The following PCMT1 variants were observed in gnomAD, a reference collection of about 807,000 sequenced individuals.
The protein encoded by PCMT1 is protein-L-isoaspartate(D-aspartate) O-methyltransferase.
In PCMT1, 9 loss-of-function variants were observed where a neutral mutation model predicts 29.2. The ratio of observed to expected loss-of-function variants is 0.31; its 90% CI spans 0.19 to 0.54. The LOEUF is 0.54. Ranked by LOEUF, PCMT1 falls within the 20% of genes least tolerant of loss-of-function variation. The pLI, the probability that PCMT1 is intolerant of heterozygous loss-of-function variation, is 0.95. For synonymous variants in PCMT1, 98 were observed against 97.5 expected (o/e 1.00, Z -0.03); for missense variants, 184 against 282.2 (o/e 0.65, Z 2.49).
intron 1 of PCMT1, among the ~76,000 whole-genome samples, chr6:149,766,937 G>A (rs1787109222): frequency 6.6e-6 from 1 of 152,104 alleles, no homozygotes; most frequent in African/African-American, 2.4e-5. Flanking sequence ...CAAGCTGAGT[G>A]TGGTGGCTCA....
chr6:149,786,823 T>C (rs1423107456), intron 3 of PCMT1, among the ~76,000 whole-genome samples: 1 of 125,352 alleles, frequency 8.0e-6, no homozygotes, highest in African/African-American at 3.2e-5. Context: ...CGCTCCTCAC[T>C]TCCTAGATGG....
At chr6:149,751,261 G>A (rs1786302710) in intron 1 of PCMT1, among the ~76,000 whole-genome samples, 2 of 152,090 alleles carry the variant, frequency 1.3e-5, no homozygotes, top group South Asian at 4.1e-4. Context: ...AGGTTGCAGT[G>A]AGCCAAGATC....
At chr6:149,795,484 T>C in intron 5 of PCMT1, 1 of 404,794 alleles carries the variant, frequency 2.5e-6, no homozygotes, top group Non-Finnish European at 4.7e-6. Context: ...CTATATTTGT[T>C]GTAGACCCAT....
chr6:149,782,086 A>G (rs1235267058), intron 3 of PCMT1, among the ~76,000 whole-genome samples: 2 of 152,132 alleles, frequency 1.3e-5, no homozygotes, highest in African/African-American at 4.8e-5. Flanking sequence ...TGCATTTTTA[A>G]TTACTTATAT....
chr6:149,773,745 C>T (rs1787436437), intron 3 of PCMT1, among the ~76,000 whole-genome samples: 2 of 151,992 alleles, frequency 1.3e-5, no homozygotes, highest in Admixed American at 6.6e-5. Context: ...GTATCTGTGA[C>T]ATGTAAAAAT....
intron 3 of PCMT1, among the ~76,000 whole-genome samples, chr6:149,783,820 G>T (rs942479481): frequency 6.6e-6 from 1 of 152,152 alleles, no homozygotes; most frequent in African/African-American, 2.4e-5. Context: ...CTCCCAAGGA[G>T]CTGGGACTAT....
intron 3 of PCMT1, among the ~76,000 whole-genome samples, chr6:149,780,204 G>A (rs1348112466): frequency 6.6e-6 from 1 of 151,914 alleles, no homozygotes; most frequent in Non-Finnish European, 1.5e-5. Flanking sequence ...AGCTGGGCGT[G>A]ATAGTACGTG....
chr6:149,783,513 G>A (rs1159267337), intron 3 of PCMT1, among the ~76,000 whole-genome samples: 1 of 152,152 alleles, frequency 6.6e-6, no homozygotes, highest in South Asian at 2.1e-4. Context: ...AGTGGTTGAG[G>A]TTGACATGTC....
At chr6:149,787,117 A>G (rs1452153362) in intron 3 of PCMT1, among the ~76,000 whole-genome samples, 1 of 144,380 alleles carries the variant, frequency 6.9e-6, no homozygotes, top group Non-Finnish European at 1.5e-5. Context: ...CTCCACCAAA[A>G]AAATACGAAA....
intron 1 of PCMT1, among the ~76,000 whole-genome samples, chr6:149,768,286 C>T (rs1327885219): frequency 2.0e-5 from 3 of 151,192 alleles, no homozygotes; most frequent in African/African-American, 7.3e-5. Flanking sequence ...GAAACGGGGT[C>T]TCCCTATGTT....
chr6:149,784,351 A>G (rs930797185), intron 3 of PCMT1, among the ~76,000 whole-genome samples: 1 of 152,180 alleles, frequency 6.6e-6, no homozygotes, highest in African/African-American at 2.4e-5. Context: ...ACAACTTCTT[A>G]TTATGGAAAA....
At chr6:149,773,101 A>C in intron 2 of PCMT1, 37 bp from the exon 3 acceptor site, 1 of 1,535,366 alleles carries the variant, frequency 6.5e-7, no homozygotes, top group South Asian at 1.1e-5. Context: ...ATATTTTTAC[A>C]GCTGACTGTA....
At chr6:149,787,282 C>T (rs1380611696) in intron 3 of PCMT1, among the ~76,000 whole-genome samples, 1 of 145,848 alleles carries the variant, frequency 6.9e-6, no homozygotes, top group Non-Finnish European at 1.5e-5. Context: ...GAGAGGGAGA[C>T]CGTGGGTAGA....
rs73779564 is a variant in PCMT1 at position 149,791,380 on chromosome 6, G to A, written c.297+1322G>A. Among the ~76,000 whole-genome samples the A allele has an allele frequency of 3.5e-3, 527 of 152,318 alleles. 3 individuals are homozygous for A. The highest frequency in any genetic ancestry group is 0.012 in the African/African-American group (500 of 41,574). The stretch of plus-strand genomic sequence containing the variant: ...TCATCAGAGTCTTATCTGGTCAATG[G>A]CTATCCAGAGTATTAACTGGGGACC... On this transcript the variant is annotated intron_variant, in intron 4 of 7. Coordinates refer to ENST00000464889, the MANE Select transcript of PCMT1 (RefSeq NM_001360452.2).
At chr6:149,794,005 T>C (rs1788493167) in intron 5 of PCMT1, among the ~76,000 whole-genome samples, 1 of 152,180 alleles carries the variant, frequency 6.6e-6, no homozygotes. Flanking sequence ...TCTATATATA[T>C]AAATACATTT....
At chr6:149,790,712 TA>T (rs1414923874) in intron 4 of PCMT1, among the ~76,000 whole-genome samples, 1 of 151,824 alleles carries the variant, frequency 6.6e-6, no homozygotes, top group African/African-American at 2.4e-5. Context: ...GGAGGCTCCT[TA>T]AAACCTACTG....
intron 3 of PCMT1, among the ~76,000 whole-genome samples, chr6:149,775,727 G>C (rs1787535412): frequency 6.6e-6 from 1 of 152,040 alleles, no homozygotes; most frequent in East Asian, 1.9e-4. Context: ...TAACGATTGA[G>C]GGAAATATTG....
chr6:149,770,463 T>G (rs1231097728), intron 1 of PCMT1, among the ~76,000 whole-genome samples: 1 of 152,008 alleles, frequency 6.6e-6, no homozygotes, highest in Non-Finnish European at 1.5e-5. Context: ...TAATCCAGCT[T>G]TGGGAGGCTG....
In PCMT1 at chr6:149,804,080, C is replaced by CAAAA. The variant is rs58975454; in HGVS notation, c.*37+1684_*37+1687dup. 6.4e-3 allele frequency among the ~76,000 whole-genome samples: 494 copies of CAAAA among 77,436 alleles called. 10 individuals are homozygous for CAAAA. The highest frequency in any genetic ancestry group is 0.023 in the African/African-American group (469 of 20,748). The allele number at this position is 77,436 out of a possible 152,430, so 50.8% of individuals were successfully genotyped here. On this transcript the variant is annotated intron_variant, in intron 7 of 7. Coordinates refer to ENST00000464889, the MANE Select transcript of PCMT1 (RefSeq NM_001360452.2). ...TGGGTGACAGAGCGAGACTCTGTCT[C>CAAAA]AAAAAAAAAAAAAAAAAAAAAAATT...
Sources: allele counts gnomAD v4.1 joint callset (sites outside exome capture counted in the v4.1 genomes callset), GRCh38; gene constraint gnomAD v4.1.1; transcripts MANE v1.5; gene names NCBI Gene and HGNC (gene_info 2026-07-23, HGNC 2026-07-21).